VAV3: variants seen among roughly 807,000 people sequenced by gnomAD.
VAV3 encodes the protein vav guanine nucleotide exchange factor 3, also known as guanine nucleotide exchange factor VAV3.
In VAV3, 94 loss-of-function variants were observed where a neutral mutation model predicts 131.2. That is an observed-to-expected ratio of 0.72 (90% CI 0.61 to 0.85). The LOEUF (loss-of-function observed/expected upper bound fraction) is 0.85, where lower values mean the gene tolerates loss of function less well. VAV3 is among the 40% of genes least tolerant of loss of function. The pLI, the probability that VAV3 is intolerant of heterozygous loss-of-function variation, is 0.00. For missense variants in VAV3, 939 were observed against 1,002.7 expected (o/e 0.94, Z 0.86); for synonymous variants, 349 against 342.0 (o/e 1.02, Z -0.22).
chr1:107,911,561 A>G (rs1463312458), intron 1 of VAV3, among the ~76,000 whole-genome samples: 1 of 152,238 alleles, frequency 6.6e-6, no homozygotes, highest in Non-Finnish European at 1.5e-5. Flanking sequence ...AAGACAGATA[A>G]ATAAAACATA....
intron 25 of VAV3, chr1:107,576,330 C>CA: frequency 7.1e-7 from 1 of 1,400,194 alleles, no homozygotes; most frequent in Non-Finnish European, 9.4e-7. Flanking sequence ...ACATGGAACT[C>CA]AAATATTTTA....
chr1:107,717,757 CT>C (rs1301280637), intron 15 of VAV3, among the ~76,000 whole-genome samples: 1 of 152,134 alleles, frequency 6.6e-6, no homozygotes, highest in Non-Finnish European at 1.5e-5. Context: ...ATTAGGTCGG[CT>C]TAGTGCATTG....
chr1:107,813,496 T>G (rs990446155), intron 2 of VAV3, among the ~76,000 whole-genome samples: 13 of 152,238 alleles, frequency 8.5e-5, no homozygotes, highest in African/African-American at 2.7e-4. Context: ...ATACATAGTA[T>G]TTTTACATTT....
intron 20 of VAV3, among the ~76,000 whole-genome samples, chr1:107,641,037 A>G (rs1237578370): frequency 6.6e-6 from 1 of 152,336 alleles, no homozygotes; most frequent in African/African-American, 2.4e-5. Flanking sequence ...TTTCTGGTTA[A>G]GCTGACAGAC....
chr1:107,844,539 C>G (rs1668875217), intron 2 of VAV3, among the ~76,000 whole-genome samples: 1 of 152,166 alleles, frequency 6.6e-6, no homozygotes, highest in African/African-American at 2.4e-5. Flanking sequence ...AGATCCCCTG[C>G]CCATGGAGCC....
At chr1:107,686,803 T>C (rs980920123) in intron 18 of VAV3, among the ~76,000 whole-genome samples, 26 of 152,230 alleles carry the variant, frequency 1.7e-4, no homozygotes, top group Non-Finnish European at 3.1e-4. Context: ...TAAAAGTGCC[T>C]GTGAGAATTA....
chr1:107,667,190 T>A (rs993046784), intron 19 of VAV3, among the ~76,000 whole-genome samples: 3 of 152,154 alleles, frequency 2.0e-5, no homozygotes, highest in Non-Finnish European at 4.4e-5. Context: ...ATATCTACCA[T>A]TTATTAGTAT....
At chr1:107,736,731 C>A (rs1004192368) in intron 15 of VAV3, among the ~76,000 whole-genome samples, 2 of 151,776 alleles carry the variant, frequency 1.3e-5, no homozygotes, top group African/African-American at 4.9e-5. Context: ...AAGAACATTC[C>A]ATGCTCATGG....
chr1:107,776,932 T>C (rs1363932937), intron 4 of VAV3, among the ~76,000 whole-genome samples: 1 of 152,250 alleles, frequency 6.6e-6, no homozygotes, highest in African/African-American at 2.4e-5. Context: ...CAGATTCTAT[T>C]TCTTTTAAAT....
intron 15 of VAV3, among the ~76,000 whole-genome samples, chr1:107,718,827 C>G (rs1570817155): frequency 6.6e-6 from 1 of 152,202 alleles, no homozygotes; most frequent in South Asian, 2.1e-4. Context: ...CCACAGTAAC[C>G]AAAACAGCAT....
At chr1:107,943,322 T>A (rs1557938024) in intron 1 of VAV3, among the ~76,000 whole-genome samples, 1 of 152,180 alleles carries the variant, frequency 6.6e-6, no homozygotes, top group Non-Finnish European at 1.5e-5. Context: ...GGTGGCCTAT[T>A]AAGATTTGTA....
intron 15 of VAV3, among the ~76,000 whole-genome samples, chr1:107,748,672 T>C (rs1007533319): frequency 6.6e-6 from 1 of 152,214 alleles, no homozygotes; most frequent in Admixed American, 6.5e-5. Context: ...ATAATTAATA[T>C]TTTCTTGGGC....
intron 20 of VAV3, among the ~76,000 whole-genome samples, chr1:107,618,017 C>T (rs149380675): frequency 4.1e-4 from 63 of 152,186 alleles, no homozygotes; most frequent in South Asian, 4.0e-3. Flanking sequence ...AACTGTTCCA[C>T]CTCAGGCATT....
chr1:107,885,428 T>C (rs1670987898), intron 1 of VAV3, among the ~76,000 whole-genome samples: 1 of 150,636 alleles, frequency 6.6e-6, no homozygotes, highest in Non-Finnish European at 1.5e-5. Context: ...GTACCAACAG[T>C]TAAAAAAAAA....
chr1:107,690,487 A>G (rs1224307710), intron 17 of VAV3, among the ~76,000 whole-genome samples: 1 of 152,114 alleles, frequency 6.6e-6, no homozygotes, highest in Non-Finnish European at 1.5e-5. Context: ...CCATCATAGA[A>G]CACCAGAGGC....
chr1:107,615,457 G>A (rs1653077068), intron 21 of VAV3, among the ~76,000 whole-genome samples: 1 of 152,080 alleles, frequency 6.6e-6, no homozygotes, highest in Non-Finnish European at 1.5e-5. Flanking sequence ...AGCTCGAGAT[G>A]GATTGAAGAC....
intron 15 of VAV3, among the ~76,000 whole-genome samples, chr1:107,721,233 G>T (rs1324124341): frequency 6.6e-6 from 1 of 152,186 alleles, no homozygotes; most frequent in Non-Finnish European, 1.5e-5. Flanking sequence ...AGGAAAGTGA[G>T]GGGAGCATAT....
At chr1:107,631,208 AT>A (rs1283867411) in intron 20 of VAV3, among the ~76,000 whole-genome samples, 6 of 152,012 alleles carry the variant, frequency 3.9e-5, no homozygotes, top group Admixed American at 3.9e-4. Flanking sequence ...TAAAATTTAT[AT>A]TTATACTAAA....
intron 15 of VAV3, among the ~76,000 whole-genome samples, chr1:107,741,691 C>T (rs1426152089): frequency 6.6e-6 from 1 of 152,166 alleles, no homozygotes; most frequent in Non-Finnish European, 1.5e-5. Flanking sequence ...GAATCAAGAA[C>T]ATGGACAGAG....
Sources: allele counts gnomAD v4.1 joint callset (sites outside exome capture counted in the v4.1 genomes callset), GRCh38; gene constraint gnomAD v4.1.1; transcripts MANE v1.5; gene names NCBI Gene and HGNC (gene_info 2026-07-23, HGNC 2026-07-21).